ZSCAN5C: variants seen among roughly 807,000 people sequenced by gnomAD.
The protein encoded by ZSCAN5C is zinc finger and SCAN domain containing 5C, also known as zinc finger and SCAN domain-containing protein 5C.
A neutral mutation model predicts 17.3 loss-of-function variants in ZSCAN5C; 11 were observed. The ratio of observed to expected loss-of-function variants is 0.64; its 90% CI spans 0.40 to 1.06. ZSCAN5C has a LOEUF of 1.06. Among genes scored for constraint, ZSCAN5C ranks in the 50% least tolerant of loss-of-function variants. The probability of loss-of-function intolerance (pLI) is 0.00; values close to 1 mark genes in which losing one functional copy is unlikely to be tolerated. For synonymous variants in ZSCAN5C, 229 were observed against 208.4 expected, an observed-to-expected ratio of 1.10 and a Z score of -0.85; for missense variants, 698 against 538.9, an observed-to-expected ratio of 1.30 and a Z score of -2.92.
downstream of ZSCAN5C, chr19:56,209,446 A>G: frequency 2.4e-6 from 1 of 411,714 alleles, no homozygotes; most frequent in Non-Finnish European, 4.3e-6. Context: ...ACATCTTATT[A>G]GTTTTCAATA....
At chr19:56,205,813 A>G (rs1599946388) in exon 2 of ZSCAN5C, 1 of 609,098 alleles carries the variant, frequency 1.6e-6, no homozygotes, top group Admixed American at 2.9e-5. Flanking sequence ...TGAATCTATT[A>G]CTGAGAAAAA....
At chr19:56,208,714 C>T (rs552176461) in exon 5 of ZSCAN5C, 1 of 1,612,620 alleles carries the variant, frequency 6.2e-7, no homozygotes, top group South Asian at 1.1e-5. Flanking sequence ...CAGTTCATTC[C>T]CCAGGCCCTG....
rs902265052 is a variant in ZSCAN5C at position 56,204,654 on chromosome 19, C to T, written c.-127-1133C>T. Among the ~76,000 whole-genome samples the T allele has an allele frequency of 3.5e-3, 520 of 149,734 alleles. 5 individuals carry two copies. The highest frequency in any genetic ancestry group is 3.7e-3 in the Non-Finnish European group (246 of 67,360). On this transcript the variant is annotated intron_variant, in intron 1 of 4. Coordinates refer to ENST00000534327, the Ensembl canonical transcript of ZSCAN5C. ...TTGTCTCCTCCTCTGGGTTGTCTCCCGCCTCTGCCGATTGTCTCCCTGGCT... is the reference window on the plus strand; with the variant it reads ...TTGTCTCCTCCTCTGGGTTGTCTCCTGCCTCTGCCGATTGTCTCCCTGGCT...
rs753070346 is a variant in ZSCAN5C, at chr19:56,207,252, T to C, written c.578T>C (p.Phe193Ser). ...ACCCTGCCCAGGGTCCCTGCACTGT[T>C]CAGGAGGCAGGTGGGTGTGTGAGGC... Residue 193 changes from phenylalanine to serine, a missense_variant, in exon 3 of 5, where the codon TTC (phenylalanine) becomes TCC (serine). Phe to Ser is a radical substitution (Grantham distance 155, BLOSUM62 -2). This residue lies in a region of ZSCAN5C where 554 missense variants were observed against 390.5 expected (regional missense o/e 1.42). Coordinates refer to ENST00000534327, the Ensembl canonical transcript of ZSCAN5C. The C allele has an allele frequency of 1.0e-4, 79 of 776,590 alleles. 11 individuals are homozygous for C. Among genetic ancestry groups the C allele is most frequent in the South Asian group, 2.4e-4 (18 of 73,806 alleles). The allele number at this position is 776,590 out of a possible 1,614,324, so 48.1% of individuals were successfully genotyped here. A position where few individuals can be genotyped will look rare whatever the true frequency, so the allele number is the denominator to read the frequency against.
rs1568591905 is a variant in ZSCAN5C, at chr19:56,208,659, CA to C, written c.951del (p.Pro318LeufsTer54). ...CAAGAAGAGCCTCAAGGAGAAGCCACACCTGTGGGCAACAGAGAATCCCCGG... is the reference window on the plus strand; with the variant it reads ...CAAGAAGAGCCTCAAGGAGAAGCCACCCTGTGGGCAACAGAGAATCCCCGG... On this transcript the variant is annotated frameshift_variant, in exon 5 of 5. Transcript: ENST00000534327. LOFTEE classifies it low-confidence loss of function (END_TRUNC). The C allele has an allele frequency of 6.2e-7, 1 of 1,612,540 alleles. No homozygotes were observed. The highest frequency in any genetic ancestry group is 2.2e-5 in the East Asian group (1 of 44,858).
At chr19:56,206,118 T>C in exon 2 of ZSCAN5C, 1 of 1,601,128 alleles carries the variant, frequency 6.2e-7, no homozygotes. Context: ...CACTGAGCTG[T>C]GCCATCTGTG....
intron 1 of ZSCAN5C, 33 bp from the exon 2 acceptor site, chr19:56,205,754 C>T (rs2032912874): frequency 1.7e-6 from 1 of 582,286 alleles, no homozygotes; most frequent in Non-Finnish European, 3.0e-6. Flanking sequence ...AGAGTAGAAA[C>T]TTTAACAGAG....
exon 4 of ZSCAN5C, chr19:56,208,100 C>T: frequency 2.6e-6 from 2 of 773,382 alleles, no homozygotes; most frequent in Non-Finnish European, 2.4e-6. Context: ...GAGACCCAAG[C>T]CGACCTTGGA....
At chr19:56,207,699 G>GT (rs1179304626) in intron 3 of ZSCAN5C, among the ~76,000 whole-genome samples, 1 of 151,766 alleles carries the variant, frequency 6.6e-6, no homozygotes, top group Non-Finnish European at 1.5e-5. Flanking sequence ...AGACATTTTT[G>GT]TTGTCATTGT....
chr19:56,207,526 A>C (rs12691095), intron 3 of ZSCAN5C, among the ~76,000 whole-genome samples: 66,081 of 150,996 alleles, frequency 0.44, 15,181 homozygotes, highest in Middle Eastern at 0.61. Flanking sequence ...CAGTTGGCAC[A>C]GATGAATGAA....
At chr19:56,208,369 A>G in intron 4 of ZSCAN5C, 80 bp from the exon 5 acceptor site, 1 of 931,552 alleles carries the variant, frequency 1.1e-6, no homozygotes, top group Non-Finnish European at 1.6e-6. Flanking sequence ...TTGTCAGCCA[A>G]CATCAGTGTT....
exon 5 of ZSCAN5C, chr19:56,208,881 A>G: frequency 6.3e-7 from 1 of 1,590,332 alleles, no homozygotes; most frequent in Non-Finnish European, 8.6e-7. Context: ...CTCTGCGGGA[A>G]GCGCTTCATG....
Position 56,208,534 on chromosome 19 carries a change from C to A in ZSCAN5C, c.825C>A (p.Cys275Ter). Reference sequence around the variant, plus strand: ...TGGATGCTGACACACCTTCTGCCTGCGTTGTGGAGAGAGAAGCTTCGACTC... The same window carrying A: ...TGGATGCTGACACACCTTCTGCCTGAGTTGTGGAGAGAGAAGCTTCGACTC... Residue 275 changes from cysteine to a stop codon, truncating the protein, a stop_gained, in exon 5 of 5, where the codon TGC becomes TGA. Transcript: ENST00000534327. LOFTEE classifies it low-confidence loss of function (END_TRUNC). The A allele has an allele frequency of 6.3e-7, 1 of 1,587,908 alleles. No homozygotes were observed. The highest frequency in any genetic ancestry group is 2.2e-5 in the East Asian group (1 of 44,770).
chr19:56,202,844 C>A (rs1218691731), intron 1 of ZSCAN5C, among the ~76,000 whole-genome samples: 5 of 151,968 alleles, frequency 3.3e-5, no homozygotes, highest in Non-Finnish European at 7.3e-5. Flanking sequence ...TGTGAGCCAC[C>A]TTGCTGGCCA....
At chr19:56,203,947 C>T (rs1160159391) in intron 1 of ZSCAN5C, among the ~76,000 whole-genome samples, 2 of 151,834 alleles carry the variant, frequency 1.3e-5, no homozygotes, top group Non-Finnish European at 1.5e-5. Context: ...CCACACTCAG[C>T]CTGAGTCCAC....
chr19:56,205,828 G>C, exon 2 of ZSCAN5C: 1 of 629,782 alleles, frequency 1.6e-6, no homozygotes, highest in Non-Finnish European at 2.8e-6. Context: ...GAAAAACCAG[G>C]GGTGGCCTGT....
intron 1 of ZSCAN5C, among the ~76,000 whole-genome samples, chr19:56,202,739 A>G (rs921789321): frequency 1.3e-5 from 2 of 151,860 alleles, no homozygotes; most frequent in African/African-American, 2.4e-5. Context: ...TTTTTTTTGT[A>G]CAGATGGGGT....
At chr19:56,204,629 T>C (rs2032902503) in intron 1 of ZSCAN5C, among the ~76,000 whole-genome samples, 1 of 151,848 alleles carries the variant, frequency 6.6e-6, no homozygotes, top group Admixed American at 6.5e-5. Flanking sequence ...TGTGTAAATA[T>C]TGTCTCCTCC....
At chr19:56,206,234 C>A (rs377594685) in exon 2 of ZSCAN5C, 237 of 1,570,520 alleles carry the variant, frequency 1.5e-4, no homozygotes, top group Middle Eastern at 2.3e-4. Context: ...TCATGATGAA[C>A]GGTGTGCAGA....
Sources: gnomAD v4.1 joint callset for allele counts (sites outside exome capture counted in the v4.1 genomes callset) on GRCh38, gnomAD v4.1.1 for gene constraint, gnomAD v4.1.1 regional missense constraint, MANE v1.5 for transcripts, NCBI Gene and HGNC (gene_info 2026-07-23, HGNC 2026-07-21) for gene names.